KCTD16: variants seen among roughly 807,000 people sequenced by gnomAD.
KCTD16 encodes the protein BTB/POZ domain-containing protein KCTD16.
A neutral mutation model predicts 33.2 loss-of-function variants in KCTD16; 13 were observed. The observed-to-expected ratio is 0.39, with a 90% CI of 0.25 to 0.62. The LOEUF is 0.62. Ranked by LOEUF, KCTD16 falls within the 20% of genes least tolerant of loss-of-function variation. The probability of loss-of-function intolerance (pLI) is 0.50; values close to 1 mark genes in which losing one functional copy is unlikely to be tolerated. For synonymous variants in KCTD16, 197 were observed against 195.3 expected, an observed-to-expected ratio of 1.01 and a Z score of -0.07; for missense variants, 441 against 525.1, an observed-to-expected ratio of 0.84 and a Z score of 1.57.
At chr5:144,426,343 C>T (rs959789597) in intron 3 of KCTD16, among the ~76,000 whole-genome samples, 3 of 152,164 alleles carry the variant, frequency 2.0e-5, no homozygotes, top group African/African-American at 7.2e-5. Context: ...GCATTCTGAT[C>T]ACGACTACTT....
chr5:144,409,680 A>G (rs1752889447), intron 3 of KCTD16, among the ~76,000 whole-genome samples: 2 of 152,092 alleles, frequency 1.3e-5, no homozygotes, highest in Non-Finnish European at 2.9e-5. Flanking sequence ...CAACATTGTG[A>G]AACCCCATCT....
intron 3 of KCTD16, among the ~76,000 whole-genome samples, chr5:144,420,998 C>T (rs2126961923): frequency 6.6e-6 from 1 of 152,162 alleles, no homozygotes; most frequent in East Asian, 1.9e-4. Context: ...TCTTTCTATT[C>T]TAGTATCTCA....
intron 3 of KCTD16, among the ~76,000 whole-genome samples, chr5:144,302,155 A>G (rs985044924): frequency 6.6e-6 from 1 of 152,202 alleles, no homozygotes; most frequent in African/African-American, 2.4e-5. Flanking sequence ...TTCTGACCCC[A>G]GAGCACATTC....
At chr5:144,273,383 A>G (rs1000754528) in intron 3 of KCTD16, among the ~76,000 whole-genome samples, 2 of 152,192 alleles carry the variant, frequency 1.3e-5, no homozygotes, top group Non-Finnish European at 2.9e-5. Flanking sequence ...GTAGGAATGC[A>G]AAAGAGTACA....
intron 3 of KCTD16, among the ~76,000 whole-genome samples, chr5:144,333,656 TCAGCTCTG>T (rs1473769242): frequency 6.6e-6 from 1 of 152,152 alleles, no homozygotes; most frequent in Non-Finnish European, 1.5e-5. Context: ...GAGGGACAAC[TCAGCTCTG>T]TTTCATGTGT....
At chr5:144,256,118 G>A (rs1225066280) in intron 3 of KCTD16, among the ~76,000 whole-genome samples, 1 of 152,096 alleles carries the variant, frequency 6.6e-6, no homozygotes, top group Non-Finnish European at 1.5e-5. Flanking sequence ...ACTGTTTTCT[G>A]GGTTTGAATA....
At chr5:144,313,663 A>G (rs1296348188) in intron 3 of KCTD16, among the ~76,000 whole-genome samples, 1 of 152,138 alleles carries the variant, frequency 6.6e-6, no homozygotes, top group East Asian at 1.9e-4. Flanking sequence ...CTTATAAACC[A>G]TGGGGTGATG....
intron 3 of KCTD16, among the ~76,000 whole-genome samples, chr5:144,361,644 G>C (rs561673794): frequency 3.9e-5 from 6 of 152,268 alleles, no homozygotes; most frequent in African/African-American, 1.4e-4. Context: ...TTGGGGTATA[G>C]AAGGAGAAAA....
chr5:144,437,289 G>A (rs1328125834), intron 3 of KCTD16, among the ~76,000 whole-genome samples: 1 of 152,212 alleles, frequency 6.6e-6, no homozygotes, highest in African/African-American at 2.4e-5. Flanking sequence ...GGGAGAAGGA[G>A]TAAATGTCCC....
chr5:144,381,528 A>G (rs1192719268), intron 3 of KCTD16, among the ~76,000 whole-genome samples: 1 of 152,146 alleles, frequency 6.6e-6, no homozygotes, highest in Non-Finnish European at 1.5e-5. Context: ...CAGGAAGTTT[A>G]CAATCATGAT....
chr5:144,479,216 A>G lies in KCTD16; in HGVS notation c.*5102A>G, dbSNP rs1227126803. The G allele has an allele frequency of 2.6e-5, 4 of 151,920 alleles. No homozygotes were observed. The East Asian group carries it at 5.8e-4, about 22-fold the overall frequency. The allele number at this position is 151,920 out of a possible 1,614,324, so 9.4% of individuals were successfully genotyped here. Reference sequence around the variant, plus strand: ...TATGGAATGATTAGTGAATTCAGCTATATTTAACCAATCAAATCCTGCGCC... The same window carrying G: ...TATGGAATGATTAGTGAATTCAGCTGTATTTAACCAATCAAATCCTGCGCC... On this transcript the variant is annotated 3_prime_UTR_variant, in exon 4 of 4. Transcript: ENST00000512467.
In KCTD16 at chr5:144,277,325, A is replaced by G. The variant is rs142478256; in HGVS notation, c.832+69779A>G. Among the ~76,000 whole-genome samples, 702 of 152,304 alleles carry G rather than the reference A, an allele frequency of 4.6e-3. 11 individuals carry two copies. The highest frequency in any genetic ancestry group is 0.016 in the African/African-American group (667 of 41,568). On this transcript the variant is annotated intron_variant, in intron 3 of 3. Coordinates refer to ENST00000512467, the MANE Select transcript of KCTD16 (RefSeq NM_020768.4). ...CGACGATGATGATGATGGTGATGAG[A>G]CTGCTCCATTGGGCTGATCACAATC...
chr5:144,187,017 A>C (rs1389907598), intron 2 of KCTD16, among the ~76,000 whole-genome samples: 2 of 152,170 alleles, frequency 1.3e-5, no homozygotes, highest in Non-Finnish European at 2.9e-5. Flanking sequence ...ACATGATTCA[A>C]ATAATCACTC....
intron 3 of KCTD16, among the ~76,000 whole-genome samples, chr5:144,384,928 T>C (rs190983169): frequency 3.6e-4 from 55 of 152,330 alleles, no homozygotes; most frequent in Non-Finnish European, 6.3e-4. Context: ...TTTCATGTAA[T>C]GAAGTGCATA....
At chr5:144,243,995 G>A (rs1028968071) in intron 3 of KCTD16, among the ~76,000 whole-genome samples, 20 of 151,926 alleles carry the variant, frequency 1.3e-4, no homozygotes, top group Admixed American at 9.2e-4. Flanking sequence ...TACCTGCCTC[G>A]GCCTCCCAAA....
At chr5:144,411,328 A>C (rs573121560) in intron 3 of KCTD16, among the ~76,000 whole-genome samples, 1 of 152,292 alleles carries the variant, frequency 6.6e-6, no homozygotes, top group African/African-American at 2.4e-5. Flanking sequence ...TAGTGGCATA[A>C]AAATGCATGA....
At chr5:144,434,386 T>C (rs1753531348) in intron 3 of KCTD16, among the ~76,000 whole-genome samples, 1 of 152,082 alleles carries the variant, frequency 6.6e-6, no homozygotes, top group East Asian at 1.9e-4. Flanking sequence ...GACATAATAA[T>C]ATTCATAGAC....
rs1359983295 is a variant in KCTD16, at chr5:144,477,364, G to A, written c.*3250G>A. 1.3e-5 allele frequency: 2 copies of A among 152,090 alleles called. No individual in the cohort carries two copies. Among genetic ancestry groups the A allele is most frequent in the Non-Finnish European group, 2.9e-5 (2 of 67,990 alleles). 9.4% of individuals were successfully genotyped at this position (152,090 alleles called of 1,614,324 possible). ...CATGCATGGTGAATTAAAATAAAAG[G>A]GGGAACAATGCACAAATAATAAGCG... is the stretch of plus-strand genomic sequence containing the variant. On this transcript the variant is annotated 3_prime_UTR_variant, in exon 4 of 4. Transcript: ENST00000512467.
At chr5:144,236,609 T>C (rs1754261160) in intron 3 of KCTD16, among the ~76,000 whole-genome samples, 1 of 152,160 alleles carries the variant, frequency 6.6e-6, no homozygotes, top group African/African-American at 2.4e-5. Context: ...CCATCTTAGA[T>C]AAACTTGCTG....
Sources: gnomAD v4.1 joint callset for allele counts (sites outside exome capture counted in the v4.1 genomes callset) on GRCh38, gnomAD v4.1.1 for gene constraint, MANE v1.5 for transcripts, NCBI Gene and HGNC (gene_info 2026-07-23, HGNC 2026-07-21) for gene names.